Variants in MYRIP observed in about 807,000 individuals in gnomAD.
MYRIP encodes myosin VIIA and Rab interacting protein.
A neutral mutation model predicts 98.0 loss-of-function variants in MYRIP; 49 were observed. That is an observed-to-expected ratio of 0.50 (90% CI 0.40 to 0.63). The LOEUF (loss-of-function observed/expected upper bound fraction) is 0.63. Ranked by LOEUF, MYRIP falls within the 30% of genes least tolerant of loss-of-function variation. The probability of loss-of-function intolerance (pLI) is 0.00; values close to 1 mark genes in which losing one functional copy is unlikely to be tolerated. For synonymous variants in MYRIP, 404 were observed against 409.5 expected (o/e 0.99, Z 0.16); for missense variants, 1,004 against 1,058.2 (o/e 0.95, Z 0.71).
intron 3 of MYRIP, among the ~76,000 whole-genome samples, chr3:40,066,862 A>G (rs994774108): frequency 1.3e-5 from 2 of 152,182 alleles, no homozygotes; most frequent in African/African-American, 2.4e-5. Flanking sequence ...CTGTCCCTCT[A>G]TACTACAACA....
chr3:40,129,619 G>T (rs773495901), intron 3 of MYRIP, among the ~76,000 whole-genome samples: 1 of 152,022 alleles, frequency 6.6e-6, no homozygotes, highest in African/African-American at 2.4e-5. Flanking sequence ...CCATGCCCAC[G>T]CTGCTAGTCT....
chr3:39,981,412 T>G (rs1191138336), intron 2 of MYRIP, among the ~76,000 whole-genome samples: 1 of 152,210 alleles, frequency 6.6e-6, no homozygotes, highest in East Asian at 1.9e-4. Flanking sequence ...TAGTACTTCT[T>G]TTGTTATTTG....
rs561294369 is a variant in MYRIP, at chr3:39,865,802, C to T, written c.-30-34985C>T. On this transcript the variant is annotated intron_variant, in intron 1 of 16. Transcript: ENST00000302541. ...GAGAACTTAGAAATACCATTTGACT[C>T]AGCAATCCCATTATTGGGTATATAC... 9.5e-4 allele frequency among the ~76,000 whole-genome samples: 145 copies of T among 152,238 alleles called. 2 individuals carry two copies. In the Middle Eastern group the frequency reaches 0.031, roughly 32 times the overall value.
At chr3:40,186,549 C>G (rs1016229378) in intron 9 of MYRIP, among the ~76,000 whole-genome samples, 9 of 152,126 alleles carry the variant, frequency 5.9e-5, no homozygotes, top group African/African-American at 2.2e-4. Flanking sequence ...AGGGGGGATA[C>G]TTAGCCACCA....
chr3:40,103,496 C>A (rs184217534), intron 3 of MYRIP, among the ~76,000 whole-genome samples: 2 of 152,236 alleles, frequency 1.3e-5, no homozygotes, highest in African/African-American at 4.8e-5. Context: ...TGGTGGCTCA[C>A]GCCTATAATC....
At chr3:40,040,981 T>A (rs796257402) in intron 2 of MYRIP, among the ~76,000 whole-genome samples, 38 of 29,542 alleles carry the variant, frequency 1.3e-3, no homozygotes, top group African/African-American at 3.6e-3. Context: ...TAGAGTATAA[T>A]AAAAAAAAAA....
At chr3:40,118,738 G>T (rs1184882763) in intron 3 of MYRIP, among the ~76,000 whole-genome samples, 1 of 151,872 alleles carries the variant, frequency 6.6e-6, no homozygotes, top group Non-Finnish European at 1.5e-5. Flanking sequence ...ATCTCCTAAT[G>T]CTATCCCTCC....
At chr3:39,898,429 A>G (rs1943666389) in intron 1 of MYRIP, among the ~76,000 whole-genome samples, 1 of 152,168 alleles carries the variant, frequency 6.6e-6, no homozygotes, top group African/African-American at 2.4e-5. Context: ...TTATTTGGAA[A>G]TGAAAAGGGC....
intron 3 of MYRIP, among the ~76,000 whole-genome samples, chr3:40,090,311 A>G (rs976408334): frequency 4.6e-5 from 7 of 152,226 alleles, no homozygotes; most frequent in Admixed American, 4.6e-4. Context: ...AAAGTTGTGA[A>G]GGGTATGATT....
chr3:40,225,604 ATCT>A (rs1952464898), intron 11 of MYRIP, among the ~76,000 whole-genome samples: 1 of 152,326 alleles, frequency 6.6e-6, no homozygotes, highest in South Asian at 2.1e-4. Flanking sequence ...CTAGCTCCAC[ATCT>A]TCTTCACTGA....
rs796983540 is a variant in MYRIP, at chr3:40,113,529, T to G, written c.333-37519T>G. ...GTCTCAGAGCCATATGGGATAGTTA[T>G]TTAATAAATACTGCTGGGACAACTG... On this transcript the variant is annotated intron_variant, in intron 3 of 16. Transcript: ENST00000302541. 5.5e-4 allele frequency among the ~76,000 whole-genome samples: 84 copies of G among 152,310 alleles called. 1 individual carries two copies. Among genetic ancestry groups the G allele is most frequent in the African/African-American group, 2.0e-3 (82 of 41,570 alleles).
At chr3:40,004,900 T>C (rs535136700) in intron 2 of MYRIP, among the ~76,000 whole-genome samples, 2 of 152,144 alleles carry the variant, frequency 1.3e-5, no homozygotes, top group East Asian at 1.9e-4. Context: ...TTAGTAAACA[T>C]AGTACCTGAT....
intron 13 of MYRIP, among the ~76,000 whole-genome samples, chr3:40,247,822 G>A (rs942752102): frequency 1.8e-4 from 27 of 152,222 alleles, no homozygotes; most frequent in Non-Finnish European, 1.8e-4. Flanking sequence ...GCGCCAAACA[G>A]CTCACATTCT....
At chr3:39,990,180 A>C (rs1946139873) in intron 2 of MYRIP, among the ~76,000 whole-genome samples, 1 of 152,166 alleles carries the variant, frequency 6.6e-6, no homozygotes, top group South Asian at 2.1e-4. Context: ...TCCATGGAAA[A>C]AGGACATTTT....
chr3:40,098,695 GT>G (rs1420727486), intron 3 of MYRIP, among the ~76,000 whole-genome samples: 3 of 149,182 alleles, frequency 2.0e-5, no homozygotes, highest in Admixed American at 6.7e-5. Flanking sequence ...CAAATATTCT[GT>G]CCCCTTCTCT....
At chr3:40,026,247 C>A (rs1056205624) in intron 2 of MYRIP, among the ~76,000 whole-genome samples, 1 of 152,144 alleles carries the variant, frequency 6.6e-6, no homozygotes, top group Non-Finnish European at 1.5e-5. Context: ...TGTAGGCTCT[C>A]TGCAAGAAGA....
At chr3:40,006,371 A>G (rs1946633572) in intron 2 of MYRIP, among the ~76,000 whole-genome samples, 1 of 152,180 alleles carries the variant, frequency 6.6e-6, no homozygotes, top group African/African-American at 2.4e-5. Context: ...CCTGGGTGAC[A>G]GAGCAAGACT....
intron 3 of MYRIP, among the ~76,000 whole-genome samples, chr3:40,087,815 AAAC>A (rs1382479300): frequency 1.3e-5 from 2 of 152,154 alleles, no homozygotes; most frequent in Admixed American, 6.5e-5. Context: ...TGTTTCCAAG[AAAC>A]AACAGGAAGA....
At chr3:40,190,709 A>G (rs956335837) in intron 10 of MYRIP, among the ~76,000 whole-genome samples, 1 of 152,302 alleles carries the variant, frequency 6.6e-6, no homozygotes, top group African/African-American at 2.4e-5. Flanking sequence ...CCAGACCAGC[A>G]GCATCAGCAC....
Sources: allele counts gnomAD v4.1 joint callset (sites outside exome capture counted in the v4.1 genomes callset), GRCh38; gene constraint gnomAD v4.1.1; transcripts MANE v1.5; gene names NCBI Gene and HGNC (gene_info 2026-07-23, HGNC 2026-07-21).